The following SESTD1 variants were observed in gnomAD, a reference collection of about 807,000 sequenced individuals.
SESTD1 encodes SEC14 and spectrin domain containing 1.
SESTD1 carries 43 observed loss-of-function variants against 101.7 expected under a neutral mutation model. The ratio of observed to expected loss-of-function variants is 0.42; its 90% CI spans 0.33 to 0.55. SESTD1 has a LOEUF of 0.55. SESTD1 is among the 20% of genes least tolerant of loss of function. SESTD1 has a pLI of 0.07. For synonymous variants in SESTD1, 283 were observed against 286.8 expected (o/e 0.99, Z 0.13); for missense variants, 647 against 815.1 (o/e 0.79, Z 2.51).
At chr2:179,194,863 T>C (rs923889347) in intron 1 of SESTD1, among the ~76,000 whole-genome samples, 14 of 152,306 alleles carry the variant, frequency 9.2e-5, no homozygotes, top group Admixed American at 9.1e-4. Context: ...AAGACCTCAC[T>C]GTCATAGCTG....
intron 1 of SESTD1, among the ~76,000 whole-genome samples, chr2:179,229,110 T>C (rs1183967448): frequency 6.6e-6 from 1 of 152,200 alleles, no homozygotes. Flanking sequence ...AAGGGTGTGA[T>C]GGTAAATTTC....
At chr2:179,141,897 C>T (rs1229490106) in intron 9 of SESTD1, among the ~76,000 whole-genome samples, 3 of 152,158 alleles carry the variant, frequency 2.0e-5, no homozygotes, top group Non-Finnish European at 4.4e-5. Context: ...AAGCCACATA[C>T]AATTAACGTA....
chr2:179,141,875 A>G (rs2045286466), intron 9 of SESTD1, among the ~76,000 whole-genome samples: 1 of 151,490 alleles, frequency 6.6e-6, no homozygotes, highest in Admixed American at 6.6e-5. Flanking sequence ...TTATGAATGA[A>G]GTCCATGGAA....
At chr2:179,170,304 G>C (rs551471770) in intron 5 of SESTD1, among the ~76,000 whole-genome samples, 37 of 151,450 alleles carry the variant, frequency 2.4e-4, no homozygotes, top group African/African-American at 7.3e-4. Context: ...AATAGACTAG[G>C]AGGTAATATT....
intron 1 of SESTD1, among the ~76,000 whole-genome samples, chr2:179,259,214 A>G (rs2047444600): frequency 6.6e-6 from 1 of 152,118 alleles, no homozygotes; most frequent in African/African-American, 2.4e-5. Flanking sequence ...TAAAGTGCCT[A>G]GTGTTAGTTC....
At chr2:179,252,619 G>A (rs754101198) in intron 1 of SESTD1, among the ~76,000 whole-genome samples, 3 of 152,118 alleles carry the variant, frequency 2.0e-5, no homozygotes, top group African/African-American at 4.8e-5. Flanking sequence ...CTTGCACTTC[G>A]AGGCAGCTAA....
At chr2:179,172,064 A>T in intron 5 of SESTD1, 56 bp downstream of exon 5, 2 of 1,165,560 alleles carry the variant, frequency 1.7e-6, no homozygotes, top group Non-Finnish European at 2.5e-6. Context: ...AAATAATTTC[A>T]GTAAAATACT....
intron 1 of SESTD1, among the ~76,000 whole-genome samples, chr2:179,197,916 A>C (rs1450956977): frequency 2.6e-5 from 4 of 152,062 alleles, no homozygotes; most frequent in African/African-American, 7.2e-5. Context: ...GAGCAAAATA[A>C]CCAGCTAACA....
chr2:179,171,394 G>A (rs972482495), intron 5 of SESTD1, among the ~76,000 whole-genome samples: 1 of 152,088 alleles, frequency 6.6e-6, no homozygotes, highest in East Asian at 1.9e-4. Flanking sequence ...AAAAATGAGT[G>A]TATAGCATGG....
At chr2:179,242,407 T>G (rs992515606) in intron 1 of SESTD1, among the ~76,000 whole-genome samples, 1 of 152,210 alleles carries the variant, frequency 6.6e-6, no homozygotes, top group Non-Finnish European at 1.5e-5. Flanking sequence ...ATCTACAGAT[T>G]TAATGCAATT....
intron 2 of SESTD1, 44 bp downstream of exon 2, chr2:179,191,743 A>T: frequency 6.7e-7 from 1 of 1,499,826 alleles, no homozygotes. Flanking sequence ...AACTATTAAA[A>T]AGTTTGTATA....
At chr2:179,182,575 G>T (rs2105485834) in intron 3 of SESTD1, among the ~76,000 whole-genome samples, 1 of 152,006 alleles carries the variant, frequency 6.6e-6, no homozygotes, top group Admixed American at 6.6e-5. Context: ...AAATAAAGAG[G>T]GTTAAGTTGG....
In SESTD1 at chr2:179,106,194, A is replaced by G. The variant is rs2044378568; in HGVS notation, c.*3705T>C. 1 of 152,158 alleles carries G rather than the reference A, an allele frequency of 6.6e-6. No individual in the cohort carries two copies. The highest frequency in any genetic ancestry group is 1.5e-5 in the Non-Finnish European group (1 of 68,020). 9.4% of individuals were successfully genotyped at this position (152,158 alleles called of 1,614,324 possible). On this transcript the variant is annotated 3_prime_UTR_variant, in exon 18 of 18. Transcript: ENST00000428443. ...TTAAGCAAAGATATCCTAATCATAC[A>G]GATCTCACTACTGATGATAATATAC...
chr2:179,123,569 G>A lies in SESTD1; in HGVS notation c.1282+146C>T, dbSNP rs2044799820. Reference sequence around the variant, plus strand: ...TTCAGCATAAATTATAACCCCTCAAGGGAATAAAATCTTTTTATACTATTT... The same window carrying A: ...TTCAGCATAAATTATAACCCCTCAAAGGAATAAAATCTTTTTATACTATTT... On this transcript the variant is annotated intron_variant, in intron 12 of 17. Coordinates refer to ENST00000428443, the MANE Select transcript of SESTD1 (RefSeq NM_178123.5). 3.3e-6 allele frequency: 2 copies of A among 611,374 alleles called. 1 individual carries two copies. The highest frequency in any genetic ancestry group is 4.5e-5 in the South Asian group (2 of 43,988). 37.9% of individuals were successfully genotyped at this position (611,374 alleles called of 1,614,324 possible).
chr2:179,192,807 CCTCTTATA>C (rs2046337376), intron 1 of SESTD1, among the ~76,000 whole-genome samples: 2 of 152,300 alleles, frequency 1.3e-5, no homozygotes, highest in South Asian at 4.1e-4. Flanking sequence ...ATTCTATTAT[CCTCTTATA>C]CTCATGTCTG....
intron 1 of SESTD1, among the ~76,000 whole-genome samples, chr2:179,198,694 C>A (rs1283254344): frequency 6.6e-6 from 1 of 151,792 alleles, no homozygotes; most frequent in Non-Finnish European, 1.5e-5. Flanking sequence ...ACAACCTGCT[C>A]CTGAATGACT....
intron 9 of SESTD1, among the ~76,000 whole-genome samples, chr2:179,142,381 G>A (rs1279592354): frequency 1.3e-5 from 2 of 152,134 alleles, no homozygotes; most frequent in Non-Finnish European, 2.9e-5. Flanking sequence ...TTCAAAAGGG[G>A]TATTATTATT....
chr2:179,214,041 G>C (rs545874642), intron 1 of SESTD1, among the ~76,000 whole-genome samples: 1 of 135,236 alleles, frequency 7.4e-6, no homozygotes, highest in African/African-American at 2.9e-5. Flanking sequence ...AATGTGTAAA[G>C]ACCATTGATG....
intron 12 of SESTD1, among the ~76,000 whole-genome samples, chr2:179,122,301 A>C (rs912645058): frequency 7.2e-5 from 11 of 152,204 alleles, no homozygotes; most frequent in Non-Finnish European, 1.3e-4. Context: ...AACTTATAGG[A>C]GAACAAGGCA....
Sources: gnomAD v4.1 joint callset for allele counts (sites outside exome capture counted in the v4.1 genomes callset) on GRCh38, gnomAD v4.1.1 for gene constraint, MANE v1.5 for transcripts, NCBI Gene and HGNC (gene_info 2026-07-23, HGNC 2026-07-21) for gene names.